Variants in SAMD3 observed in about 807,000 individuals in gnomAD.
SAMD3 encodes sterile alpha motif domain-containing protein 3.
A neutral mutation model predicts 58.5 loss-of-function variants in SAMD3; 63 were observed. That is an observed-to-expected ratio of 1.08 (90% CI 0.88 to 1.33). The LOEUF is 1.33. SAMD3 is among the 40% of genes most tolerant of loss of function. The pLI, the probability that SAMD3 is intolerant of heterozygous loss-of-function variation, is 0.00. For missense variants in SAMD3, 604 were observed against 608.4 expected, an observed-to-expected ratio of 0.99 and a Z score of 0.08; for synonymous variants, 220 against 210.3, an observed-to-expected ratio of 1.05 and a Z score of -0.40.
intron 2 of SAMD3, among the ~76,000 whole-genome samples, chr6:130,269,565 G>C (rs902782660): frequency 1.3e-5 from 2 of 151,770 alleles, no homozygotes; most frequent in Admixed American, 6.6e-5. Flanking sequence ...TAATATCCCT[G>C]GTTTCCATTC....
upstream of SAMD3, among the ~76,000 whole-genome samples, chr6:130,223,618 G>A (rs747221802): frequency 1.3e-5 from 2 of 152,190 alleles, no homozygotes; most frequent in Non-Finnish European, 2.9e-5. Context: ...AGAAGGGGAT[G>A]CAAGGTAGTG....
At chr6:130,328,695 C>T (rs935593216) in intron 1 of SAMD3, among the ~76,000 whole-genome samples, 1 of 152,190 alleles carries the variant, frequency 6.6e-6, no homozygotes, top group Admixed American at 6.5e-5. Context: ...AAGACCAAGG[C>T]TGTTTAGCCA....
At chr6:130,255,015 G>T (rs1773877338) in intron 2 of SAMD3, among the ~76,000 whole-genome samples, 1 of 152,158 alleles carries the variant, frequency 6.6e-6, no homozygotes, top group African/African-American at 2.4e-5. Context: ...TTTGTCTCAA[G>T]ATATTGTTTC....
upstream of SAMD3, among the ~76,000 whole-genome samples, chr6:130,225,813 T>C (rs1054871561): frequency 2.0e-5 from 3 of 152,218 alleles, no homozygotes; most frequent in Non-Finnish European, 2.9e-5. Context: ...AACTAACTTG[T>C]CATTTCAAAC....
At chr6:130,226,737 A>G (rs948791794), upstream of SAMD3, among the ~76,000 whole-genome samples, 1 of 152,140 alleles carries the variant, frequency 6.6e-6, no homozygotes, top group Non-Finnish European at 1.5e-5. Context: ...TGTAGGCAGG[A>G]GAATCGCTTG....
At chr6:130,255,832 G>A (rs572841813) in intron 2 of SAMD3, among the ~76,000 whole-genome samples, 16 of 150,530 alleles carry the variant, frequency 1.1e-4, no homozygotes, top group African/African-American at 2.7e-4. Flanking sequence ...GTCTCATGTC[G>A]GCAACATATA....
chr6:130,343,343 C>A (rs1314255718), intron 1 of SAMD3, among the ~76,000 whole-genome samples: 1 of 152,010 alleles, frequency 6.6e-6, no homozygotes, highest in Admixed American at 6.6e-5. Context: ...GGCTTTGACA[C>A]ACACTTCATT....
At chr6:130,149,057 A>T (rs1190789774) in intron 9 of SAMD3, among the ~76,000 whole-genome samples, 1 of 152,238 alleles carries the variant, frequency 6.6e-6, no homozygotes, top group Non-Finnish European at 1.5e-5. Flanking sequence ...TAAAGACTAA[A>T]ACCATGAATT....
At chr6:130,326,093 A>G (rs950953457) in intron 1 of SAMD3, among the ~76,000 whole-genome samples, 2 of 152,194 alleles carry the variant, frequency 1.3e-5, no homozygotes, top group Non-Finnish European at 2.9e-5. Context: ...TATTTATCCA[A>G]TCTATCCCCT....
At chr6:130,282,876 A>G (rs1011331831) in intron 2 of SAMD3, among the ~76,000 whole-genome samples, 1 of 152,216 alleles carries the variant, frequency 6.6e-6, no homozygotes, top group Non-Finnish European at 1.5e-5. Flanking sequence ...AGAAGCAAAT[A>G]TAAAACTTTC....
Position 130,191,034 on chromosome 6 carries a change from G to A in SAMD3, c.384-6411C>T, listed in dbSNP as rs150272024. On this transcript the variant is annotated intron_variant, in intron 5 of 11. Transcript: ENST00000439090. ...GACCAAGTATATAGAAGACCTGCAA[G>A]TCCACATTCAATACTTGACCATACT... 1.8e-4 allele frequency among the ~76,000 whole-genome samples: 28 copies of A among 151,494 alleles called. No individual in the cohort carries two copies. The East Asian group carries it at 5.2e-3, about 28-fold the overall frequency.
chr6:130,177,948 C>T (rs1008598769), intron 7 of SAMD3, among the ~76,000 whole-genome samples: 1 of 151,972 alleles, frequency 6.6e-6, no homozygotes, highest in Non-Finnish European at 1.5e-5. Context: ...TAGCTGGTAA[C>T]TAACTCACTG....
chr6:130,191,358 C>T (rs1793523881), intron 5 of SAMD3, among the ~76,000 whole-genome samples: 1 of 152,128 alleles, frequency 6.6e-6, no homozygotes, highest in Non-Finnish European at 1.5e-5. Context: ...CTTTGGGTTC[C>T]TGGGGCTCCC....
At chr6:130,279,487 C>CTTTTT (rs397886882) in intron 2 of SAMD3, among the ~76,000 whole-genome samples, 3 of 123,378 alleles carry the variant, frequency 2.4e-5, no homozygotes, top group African/African-American at 1.0e-4. Flanking sequence ...TCAATTAAAC[C>CTTTTT]TTTTTTTTTT....
chr6:130,211,604 A>G (rs1795573074), intron 4 of SAMD3, among the ~76,000 whole-genome samples: 1 of 151,988 alleles, frequency 6.6e-6, no homozygotes, highest in Non-Finnish European at 1.5e-5. Context: ...AAAATTTAAA[A>G]TCTACCTGTG....
chr6:130,357,403 C>T (rs1011445514), intron 1 of SAMD3, among the ~76,000 whole-genome samples: 10 of 152,010 alleles, frequency 6.6e-5, no homozygotes, highest in African/African-American at 2.2e-4. Flanking sequence ...GGATTACAGG[C>T]GTGAGCCACC....
intron 2 of SAMD3, among the ~76,000 whole-genome samples, chr6:130,289,489 A>T (rs1426029164): frequency 7.5e-6 from 1 of 133,360 alleles, no homozygotes; most frequent in African/African-American, 2.8e-5. Flanking sequence ...TAAAAGGTAA[A>T]GAAAAAAAAA....
At chr6:130,329,988 CA>C (rs1161842110) in intron 1 of SAMD3, among the ~76,000 whole-genome samples, 3 of 152,046 alleles carry the variant, frequency 2.0e-5, no homozygotes, top group Non-Finnish European at 4.4e-5. Context: ...ACCTAGATGA[CA>C]GGGTGATAGG....
intron 7 of SAMD3, chr6:130,183,502 C>CACTTGATG: frequency 2.4e-6 from 1 of 410,824 alleles, no homozygotes; most frequent in Non-Finnish European, 4.7e-6. Context: ...AGGCAAGAAA[C>CACTTGATG]ACTTGATGAC....
Sources: allele counts gnomAD v4.1 joint callset (sites outside exome capture counted in the v4.1 genomes callset), GRCh38; gene constraint gnomAD v4.1.1; transcripts MANE v1.5; gene names NCBI Gene and HGNC (gene_info 2026-07-23, HGNC 2026-07-21).